SLAMF6: variants seen among roughly 807,000 people sequenced by gnomAD.
SLAMF6 encodes the protein NK-T-B-antigen.
Under a neutral mutation model 38.3 loss-of-function variants are expected in SLAMF6, and 21 were observed. That is an observed-to-expected ratio of 0.55 (90% CI 0.39 to 0.79). The LOEUF (loss-of-function observed/expected upper bound fraction) is 0.79, where lower values mean the gene tolerates loss of function less well. Among genes scored for constraint, SLAMF6 ranks in the 30% least tolerant of loss-of-function variants. The pLI is 0.00. For missense variants in SLAMF6, 341 were observed against 385.3 expected (o/e 0.89, Z 0.96); for synonymous variants, 152 against 146.3 (o/e 1.04, Z -0.28).
At chr1:160,520,841 T>C (rs1557952548) in intron 1 of SLAMF6, among the ~76,000 whole-genome samples, 1 of 152,208 alleles carries the variant, frequency 6.6e-6, no homozygotes, top group Non-Finnish European at 1.5e-5. Flanking sequence ...TTTGCAACAG[T>C]GGTCTTCTTT....
intron 1 of SLAMF6, among the ~76,000 whole-genome samples, chr1:160,499,317 T>G (rs1445442085): frequency 1.3e-5 from 2 of 152,140 alleles, no homozygotes; most frequent in Non-Finnish European, 2.9e-5. Flanking sequence ...GAACAGGGAG[T>G]CCTTTCCCCA....
At chr1:160,515,669 G>C (rs1431050647) in intron 1 of SLAMF6, among the ~76,000 whole-genome samples, 1 of 151,820 alleles carries the variant, frequency 6.6e-6, no homozygotes, top group African/African-American at 2.4e-5. Context: ...GATCGAGTTG[G>C]CTTTATTCCT....
chr1:160,512,842 C>T (rs1054543122), intron 1 of SLAMF6, among the ~76,000 whole-genome samples: 1 of 152,086 alleles, frequency 6.6e-6, no homozygotes, highest in Admixed American at 6.5e-5. Context: ...AAAGTCCCCA[C>T]AAAAAGCCCA....
chr1:160,491,270 C>T lies in SLAMF6; in HGVS notation c.501G>A (p.Glu167=), dbSNP rs16832061. ...GACTTGAAAGTGTGTTTCCCAAGGC[C>T]TCCCATCTGAATGAGACATTGTCAT... ...DADDNVSFRW[E]ALGNTLSSQP... is the part of the protein sequence containing the mutation. Residue 167 remains glutamate (E), a synonymous_variant, in exon 3 of 8, where the codon GAG becomes GAA. Coordinates refer to ENST00000368057, the MANE Select transcript of SLAMF6 (RefSeq NM_001184714.2). 0.034 allele frequency: 55,063 copies of T among 1,614,036 alleles called. 1,123 individuals carry two copies. Among genetic ancestry groups the T allele is most frequent in the Admixed American group, 0.081 (4,888 of 59,986 alleles).
At chr1:160,489,599 G>A (rs947684636) in intron 5 of SLAMF6, among the ~76,000 whole-genome samples, 1 of 152,160 alleles carries the variant, frequency 6.6e-6, no homozygotes, top group African/African-American at 2.4e-5. Flanking sequence ...GGAACTGGAG[G>A]CTCAGAAAAC....
At chr1:160,488,970 G>T in intron 6 of SLAMF6, 118 bp downstream of exon 6, 1 of 894,932 alleles carries the variant, frequency 1.1e-6, no homozygotes, top group Non-Finnish European at 1.8e-6. Flanking sequence ...CCCTGTCGCT[G>T]TGGCTGTCTT....
intron 1 of SLAMF6, among the ~76,000 whole-genome samples, chr1:160,499,963 A>G (rs190077127): frequency 1.2e-4 from 18 of 152,344 alleles, no homozygotes; most frequent in African/African-American, 4.1e-4. Context: ...TTTGAGCAGA[A>G]TGTCCAGATA....
intron 1 of SLAMF6, 31 bp downstream of exon 1, chr1:160,523,113 A>C: frequency 6.2e-7 from 1 of 1,612,060 alleles, no homozygotes. Flanking sequence ...GGAGTCACTC[A>C]GTGACTACAC....
At chr1:160,505,700 G>C (rs1158583291) in intron 1 of SLAMF6, among the ~76,000 whole-genome samples, 1 of 152,116 alleles carries the variant, frequency 6.6e-6, no homozygotes, top group African/African-American at 2.4e-5. Context: ...ACCCTGCCTG[G>C]CCTCAACTAT....
At chr1:160,498,890 G>A (rs1653735766) in intron 1 of SLAMF6, among the ~76,000 whole-genome samples, 2 of 152,136 alleles carry the variant, frequency 1.3e-5, no homozygotes, top group African/African-American at 4.8e-5. Flanking sequence ...CATGTCCTTT[G>A]CCCATTTTTT....
At chr1:160,486,862 A>G (rs1652989968) in intron 7 of SLAMF6, 108 bp from the exon 8 acceptor site, 1 of 1,254,670 alleles carries the variant, frequency 8.0e-7, no homozygotes, top group Non-Finnish European at 1.1e-6. Flanking sequence ...CAGATAATAG[A>G]GATATTGATA....
chr1:160,516,751 C>T (rs958304115), intron 1 of SLAMF6, among the ~76,000 whole-genome samples: 10 of 152,108 alleles, frequency 6.6e-5, no homozygotes, highest in African/African-American at 2.4e-4. Context: ...CAAAAACAAG[C>T]AATGGGGAAA....
intron 1 of SLAMF6, among the ~76,000 whole-genome samples, chr1:160,520,713 C>T (rs1654946901): frequency 6.6e-6 from 1 of 152,100 alleles, no homozygotes; most frequent in African/African-American, 2.4e-5. Flanking sequence ...TTTGTCTTTT[C>T]CACTAAATTT....
In SLAMF6 at chr1:160,488,410, T is replaced by C. The variant is rs1348134400; in HGVS notation, c.879+678A>G. ...ACATCATTTTGAAAATGCTAAGCTT[T>C]CCTGGCTTATTTTTCAGAAAACTGG... On this transcript the variant is annotated intron_variant, in intron 6 of 7. Coordinates refer to ENST00000368057, the MANE Select transcript of SLAMF6 (RefSeq NM_001184714.2). Among the ~76,000 whole-genome samples, 4 of 152,230 alleles carry C rather than the reference T, an allele frequency of 2.6e-5. No homozygotes were observed. The East Asian group carries it at 7.7e-4, about 29-fold the overall frequency.
At chr1:160,503,706 A>G (rs1395583533) in intron 1 of SLAMF6, among the ~76,000 whole-genome samples, 4 of 152,176 alleles carry the variant, frequency 2.6e-5, no homozygotes, top group African/African-American at 9.7e-5. Context: ...CACTCATGCG[A>G]ACACACACAG....
chr1:160,520,402 C>T (rs1416557565), intron 1 of SLAMF6, among the ~76,000 whole-genome samples: 1 of 152,156 alleles, frequency 6.6e-6, no homozygotes, highest in Non-Finnish European at 1.5e-5. Flanking sequence ...AACCTTGCTG[C>T]TTAGTGTGGT....
chr1:160,493,575 G>A lies in SLAMF6; in HGVS notation c.383-2187C>T, dbSNP rs150144124. On this transcript the variant is annotated intron_variant, in intron 2 of 7. Coordinates refer to ENST00000368057, the MANE Select transcript of SLAMF6 (RefSeq NM_001184714.2). ...TGTTTTGCTCACTGATGTATTCCAG[G>A]TGCCTATAACAGTGCCTTGGACGTT... Among the ~76,000 whole-genome samples the A allele has an allele frequency of 1.1e-4, 16 of 152,232 alleles. No individual in the cohort carries two copies. The East Asian group carries it at 2.3e-3, about 22-fold the overall frequency.
At chr1:160,497,167 A>G (rs1041880594) in intron 1 of SLAMF6, among the ~76,000 whole-genome samples, 1 of 152,192 alleles carries the variant, frequency 6.6e-6, no homozygotes, top group Non-Finnish European at 1.5e-5. Context: ...ATGGATACAT[A>G]TAGAAATAAT....
rs185102005 is a variant in SLAMF6 at position 160,486,680 on chromosome 1, C to T, written c.*27G>A. 128 of 1,608,104 alleles carry T rather than the reference C, an allele frequency of 8.0e-5. No individual in the cohort carries two copies. In the African/African-American group the frequency reaches 8.8e-4, roughly 11 times the overall value. ...ATGGGATCAGAAGACGTGTCATTCC[C>T]GAATTCCTCTGAGGCCTTTCAGCAA... On this transcript the variant is annotated 3_prime_UTR_variant, in exon 8 of 8. Transcript: ENST00000368057.
Sources: allele counts gnomAD v4.1 joint callset (sites outside exome capture counted in the v4.1 genomes callset), GRCh38; gene constraint gnomAD v4.1.1; transcripts MANE v1.5; gene names NCBI Gene and HGNC (gene_info 2026-07-23, HGNC 2026-07-21).